DDX60L: variants seen among roughly 807,000 people sequenced by gnomAD.
DDX60L encodes the protein DExD/H-box 60 like.
DDX60L carries 191 observed loss-of-function variants against 211.6 expected under a neutral mutation model. The ratio of observed to expected loss-of-function variants is 0.90; its 90% CI spans 0.80 to 1.02. The LOEUF (loss-of-function observed/expected upper bound fraction) is 1.02, where lower values mean the gene tolerates loss of function less well. Among genes scored for constraint, DDX60L ranks in the 50% least tolerant of loss-of-function variants. The probability of loss-of-function intolerance (pLI) is 0.00; values close to 1 mark genes in which losing one functional copy is unlikely to be tolerated. For synonymous variants in DDX60L, 706 were observed against 694.1 expected (o/e 1.02, Z -0.27); for missense variants, 2,007 against 1,984.1 (o/e 1.01, Z -0.22).
At chr4:168,433,802 T>C (rs914446827) in intron 10 of DDX60L, among the ~76,000 whole-genome samples, 12 of 152,234 alleles carry the variant, frequency 7.9e-5, no homozygotes, top group Non-Finnish European at 1.0e-4. Context: ...TCTTCCTGAA[T>C]TGTATCATAT....
chr4:168,372,198 T>C (rs1741151743), intron 35 of DDX60L, among the ~76,000 whole-genome samples: 1 of 151,920 alleles, frequency 6.6e-6, no homozygotes, highest in African/African-American at 2.4e-5. Context: ...CTCCCTGTGC[T>C]CACAGGGAGA....
intron 4 of DDX60L, chr4:168,471,496 C>T (rs1758765788): frequency 6.5e-6 from 2 of 306,238 alleles, no homozygotes; most frequent in African/African-American, 2.2e-5. Context: ...TACCCCTCAG[C>T]CCAGGCTCTG....
At chr4:168,364,321 T>C (rs1273870846) in intron 36 of DDX60L, among the ~76,000 whole-genome samples, 1 of 152,230 alleles carries the variant, frequency 6.6e-6, no homozygotes, top group Non-Finnish European at 1.5e-5. Context: ...AAAGTCATTA[T>C]ATAATGATAA....
chr4:168,396,774 A>T (rs936004071), intron 26 of DDX60L, among the ~76,000 whole-genome samples: 1 of 151,254 alleles, frequency 6.6e-6, no homozygotes, highest in African/African-American at 2.4e-5. Context: ...CCCTTCCCCT[A>T]CGTCCAAAAA....
chr4:168,421,887 T>A lies in DDX60L; in HGVS notation c.2267A>T (p.Asp756Val). 6.2e-7 allele frequency: 1 copy of A among 1,614,166 alleles called. No homozygotes were observed. Residue 756 changes from aspartate to valine, a missense_variant, in exon 17 of 38, where the codon GAT becomes GTT. Asp to Val is a radical substitution (Grantham distance 152, BLOSUM62 -3). Coordinates refer to ENST00000682922, the MANE Select transcript of DDX60L (RefSeq NM_001012967.3). The stretch of plus-strand genomic sequence containing the variant: ...AACAATCACTGCTGACTCATTCTTA[T>A]CTACCACATCCAGGAGTTCCTGCTG... Reference protein sequence around the residue: ...AWQQELLDVVDKNESAVIVAP... With the variant: ...AWQQELLDVVVKNESAVIVAP...
intron 35 of DDX60L, 117 bp from the exon 36 acceptor site, chr4:168,371,880 T>G: frequency 1.6e-5 from 16 of 984,508 alleles, no homozygotes; most frequent in East Asian, 8.5e-5. Flanking sequence ...GAAGTTGAAG[T>G]GAAGGAGGCA....
intron 37 of DDX60L, among the ~76,000 whole-genome samples, chr4:168,358,524 C>CTTTTTTTTTTTT (rs70961514): frequency 1.1e-4 from 12 of 108,304 alleles, no homozygotes; most frequent in Non-Finnish European, 2.3e-4. Context: ...TTTTCTTTTT[C>CTTTTTTTTTTTT]TTTTTTTTTT....
chr4:168,419,345 C>T lies in DDX60L; in HGVS notation c.2567G>A (p.Arg856His), dbSNP rs184974934. The T allele has an allele frequency of 1.3e-5, 20 of 1,597,708 alleles. No homozygotes were observed. The highest frequency in any genetic ancestry group is 1.7e-4 in the Middle Eastern group (1 of 6,010). ...CFEILLLAPHRQKWVERIRYV... is the reference protein window; with the variant it reads ...CFEILLLAPHHQKWVERIRYV... ...TCTGATCCTTTCCACCCATTTTTGGCGATGAGGAGCAAGCAACAGGATTTC... is the reference window on the plus strand; with the variant it reads ...TCTGATCCTTTCCACCCATTTTTGGTGATGAGGAGCAAGCAACAGGATTTC... The change falls in exon 19 of 38, where the codon CGC (arginine) becomes CAC (histidine). Residue 856 changes from arginine (R) to histidine (H), a missense_variant. Coordinates refer to ENST00000682922, the MANE Select transcript of DDX60L (RefSeq NM_001012967.3).
rs751458621 is a variant in DDX60L, at chr4:168,390,475, C to A, written c.3915+1065G>T. 4 of 1,380,070 alleles carry A rather than the reference C, an allele frequency of 2.9e-6. No homozygotes were observed. The South Asian group carries it at 7.5e-5, about 26-fold the overall frequency. 85.5% of individuals were successfully genotyped at this position (1,380,070 alleles called of 1,614,324 possible). A position where few individuals can be genotyped will look rare whatever the true frequency, so the allele number is the denominator to read the frequency against. Reference sequence around the variant, plus strand: ...AAAGGTCATGAAATGGAGATAAACTCCTTTTCTCTGTAAAATCACAGTCTT... The same window carrying A: ...AAAGGTCATGAAATGGAGATAAACTACTTTTCTCTGTAAAATCACAGTCTT... On this transcript the variant is annotated intron_variant, in intron 29 of 37. Coordinates refer to ENST00000682922, the MANE Select transcript of DDX60L (RefSeq NM_001012967.3).
rs185087494 is a variant in DDX60L, at chr4:168,461,565, A to G, written c.606+134T>C. Reference sequence around the variant, plus strand: ...AATGTCCATCATTATCATTGTTACCATTATTAAATGTATTACCTCTTTGGA... The same window carrying G: ...AATGTCCATCATTATCATTGTTACCGTTATTAAATGTATTACCTCTTTGGA... On this transcript the variant is annotated intron_variant, in intron 5 of 37. Transcript: ENST00000682922. 601 of 632,346 alleles carry G rather than the reference A, an allele frequency of 9.5e-4. 2 individuals carry two copies. The highest frequency in any genetic ancestry group is 1.4e-3 in the Non-Finnish European group (520 of 376,430). The allele number at this position is 632,346 out of a possible 1,614,324, so 39.2% of individuals were successfully genotyped here. A position where few individuals can be genotyped will look rare whatever the true frequency, so the allele number is the denominator to read the frequency against.
chr4:168,374,230 C>G (rs1741537568), intron 34 of DDX60L, among the ~76,000 whole-genome samples: 1 of 152,000 alleles, frequency 6.6e-6, no homozygotes, highest in Admixed American at 6.6e-5. Flanking sequence ...CACAATCACA[C>G]ACTCCCATCA....
At chr4:168,421,387 C>T (rs1016090239) in intron 17 of DDX60L, among the ~76,000 whole-genome samples, 18 of 152,236 alleles carry the variant, frequency 1.2e-4, no homozygotes, top group East Asian at 1.9e-4. Flanking sequence ...TGGCCGGGCA[C>T]GGTGGCTCAC....
At chr4:168,376,653 T>G (rs564487453) in intron 33 of DDX60L, among the ~76,000 whole-genome samples, 7 of 152,318 alleles carry the variant, frequency 4.6e-5, no homozygotes, top group Admixed American at 4.6e-4. Flanking sequence ...CAAAGTGATA[T>G]GGTCTCTTTA....
At chr4:168,421,624 C>G in intron 17 of DDX60L, 136 bp downstream of exon 17, 2 of 1,231,710 alleles carry the variant, frequency 1.6e-6, no homozygotes, top group South Asian at 1.4e-5. Context: ...CACTGCACTC[C>G]AGCCTGAGTG....
At chr4:168,446,062 T>C (rs1448771765) in intron 9 of DDX60L, among the ~76,000 whole-genome samples, 4 of 150,806 alleles carry the variant, frequency 2.7e-5, no homozygotes, top group Non-Finnish European at 4.4e-5. Flanking sequence ...ATAAAGAGTA[T>C]TAAATTAGGA....
chr4:168,420,674 TAGATAGATAGAC>T lies in DDX60L; in HGVS notation c.2395-306_2395-295del, dbSNP rs1303994551. ...ATAGATAGATAGATAGATAGATAGA[TAGATAGATAGAC>T]AGACAGACAGACAGACAGATATTAC... is the stretch of plus-strand genomic sequence containing the variant. On this transcript the variant is annotated intron_variant, in intron 17 of 37. Transcript: ENST00000682922. Among the ~76,000 whole-genome samples, 603 of 135,532 alleles carry T rather than the reference TAGATAGATAGAC, an allele frequency of 4.4e-3. 2 individuals carry two copies. The highest frequency in any genetic ancestry group is 0.011 in the African/African-American group (404 of 35,524). 88.9% of individuals were successfully genotyped at this position (135,532 alleles called of 152,430 possible). A position where few individuals can be genotyped will look rare whatever the true frequency, so the allele number is the denominator to read the frequency against.
intron 32 of DDX60L, among the ~76,000 whole-genome samples, chr4:168,378,860 GA>G (rs1254888006): frequency 6.6e-6 from 1 of 152,046 alleles, no homozygotes; most frequent in Non-Finnish European, 1.5e-5. Flanking sequence ...ACGGCTAATT[GA>G]AAAATCCAGG....
At chr4:168,373,556 T>C (rs1741398265) in intron 35 of DDX60L, 110 bp downstream of exon 35, 3 of 1,077,558 alleles carry the variant, frequency 2.8e-6, no homozygotes, top group Non-Finnish European at 4.1e-6. Flanking sequence ...TGCTCATCAG[T>C]GGACATTTTT....
chr4:168,415,346 C>A (rs1042920746), intron 22 of DDX60L, 62 bp downstream of exon 22: 1 of 937,422 alleles, frequency 1.1e-6, no homozygotes, highest in East Asian at 2.6e-5. Flanking sequence ...GATTGAGTCC[C>A]TTTCCAGTTG....
Sources: allele counts gnomAD v4.1 joint callset (sites outside exome capture counted in the v4.1 genomes callset), GRCh38; gene constraint gnomAD v4.1.1; transcripts MANE v1.5; gene names NCBI Gene and HGNC (gene_info 2026-07-23, HGNC 2026-07-21).